The following ASTN2 variants were observed in gnomAD, a reference collection of about 807,000 sequenced individuals.
ASTN2 encodes the protein astrotactin-2.
A neutral mutation model predicts 139.8 loss-of-function variants in ASTN2; 54 were observed. That is an observed-to-expected ratio of 0.39 (90% CI 0.31 to 0.48). ASTN2 has a LOEUF of 0.48. Ranked by LOEUF, ASTN2 falls within the 20% of genes least tolerant of loss-of-function variation. ASTN2 has a pLI of 0.95. For synonymous variants in ASTN2, 756 were observed against 719.5 expected, an observed-to-expected ratio of 1.05 and a Z score of -0.81; for missense variants, 1,565 against 1,725.1, an observed-to-expected ratio of 0.91 and a Z score of 1.64.
intron 2 of ASTN2, among the ~76,000 whole-genome samples, chr9:117,242,149 G>T (rs1833234225): frequency 6.6e-6 from 1 of 151,284 alleles, no homozygotes; most frequent in African/African-American, 2.4e-5. Flanking sequence ...ATTTAACGTG[G>T]AGCTTACTTT....
intron 20 of ASTN2, among the ~76,000 whole-genome samples, chr9:116,449,071 G>T (rs745608160): frequency 3.3e-5 from 5 of 152,126 alleles, no homozygotes; most frequent in Admixed American, 6.5e-5. Context: ...ATGACCTTAG[G>T]CAAGTTAATC....
At position 116,815,804 on chromosome 9, in the gene ASTN2, CAAA is replaced by C. The variant is rs55954354; in HGVS notation, c.2207+4810_2207+4812del. ...TGGGCAACAGAGCGAGACTCCGTCTCAAAAAAAAAAAAAAAAAAAAAAAAGTTG... is the reference window on the plus strand; with the variant it reads ...TGGGCAACAGAGCGAGACTCCGTCTCAAAAAAAAAAAAAAAAAAAAAGTTG... On this transcript the variant is annotated intron_variant, in intron 12 of 22. Coordinates refer to ENST00000313400, the MANE Select transcript of ASTN2 (RefSeq NM_001365068.1). Among the ~76,000 whole-genome samples the C allele has an allele frequency of 9.5e-4, 23 of 24,104 alleles. 1 individual carries two copies. The East Asian group carries it at 0.013, about 14-fold the overall frequency. The allele number at this position is 24,104 out of a possible 152,430, so 15.8% of individuals were successfully genotyped here.
intron 10 of ASTN2, among the ~76,000 whole-genome samples, chr9:116,925,804 C>T (rs1276101120): frequency 3.3e-5 from 5 of 151,576 alleles, no homozygotes; most frequent in African/African-American, 1.2e-4. Context: ...CCATATGTAC[C>T]TCACCTTCCC....
intron 12 of ASTN2, among the ~76,000 whole-genome samples, chr9:116,816,709 T>C (rs138137516): frequency 1.7e-3 from 255 of 152,116 alleles, no homozygotes; most frequent in Middle Eastern, 0.01. Context: ...TATGAGGCTA[T>C]CACAGGGAGA....
chr9:116,450,583 A>C (rs1185859104), intron 20 of ASTN2, among the ~76,000 whole-genome samples: 1 of 152,140 alleles, frequency 6.6e-6, no homozygotes, highest in African/African-American at 2.4e-5. Flanking sequence ...CCAGCCTGGG[A>C]CATGAGGGTA....
At chr9:117,413,508 C>T (rs1831231430) in intron 1 of ASTN2, among the ~76,000 whole-genome samples, 1 of 152,200 alleles carries the variant, frequency 6.6e-6, no homozygotes, top group African/African-American at 2.4e-5. Context: ...CGCGGGAGAG[C>T]TAAGGGGAAC....
chr9:117,294,054 G>T (rs1484015684), intron 1 of ASTN2, among the ~76,000 whole-genome samples: 1 of 152,202 alleles, frequency 6.6e-6, no homozygotes, highest in Admixed American at 6.5e-5. Context: ...TCCAGCCTGT[G>T]CCTGAAATCC....
intron 3 of ASTN2, among the ~76,000 whole-genome samples, chr9:117,205,016 C>T (rs1193388330): frequency 6.6e-6 from 1 of 152,114 alleles, no homozygotes; most frequent in African/African-American, 2.4e-5. Flanking sequence ...AGGCACTGTG[C>T]TGGGCATTGC....
At chr9:117,077,301 T>G (rs1463183253) in intron 5 of ASTN2, among the ~76,000 whole-genome samples, 1 of 152,166 alleles carries the variant, frequency 6.6e-6, no homozygotes, top group Non-Finnish European at 1.5e-5. Context: ...CTGGGTGAAG[T>G]TCTGAGCAAG....
intron 3 of ASTN2, among the ~76,000 whole-genome samples, chr9:117,193,258 C>T (rs1172262909): frequency 1.3e-5 from 2 of 152,124 alleles, no homozygotes; most frequent in East Asian, 3.9e-4. Context: ...AAAATTCAAA[C>T]ATCACTGGGA....
chr9:116,728,863 G>A (rs1828701838), intron 15 of ASTN2, 129 bp downstream of exon 15: 1 of 732,664 alleles, frequency 1.4e-6, no homozygotes, highest in South Asian at 1.8e-5. Context: ...ACTCCTTGAT[G>A]GCAGAGAGGA....
At chr9:117,340,973 G>A (rs1446128856) in intron 1 of ASTN2, among the ~76,000 whole-genome samples, 1 of 152,140 alleles carries the variant, frequency 6.6e-6, no homozygotes, top group African/African-American at 2.4e-5. Context: ...AAGGCTCTAG[G>A]AGGAGGCCCT....
intron 13 of ASTN2, among the ~76,000 whole-genome samples, chr9:116,803,522 A>ATGTATATATATATAT (rs1554748694): frequency 9.5e-5 from 2 of 21,140 alleles, no homozygotes; most frequent in Admixed American, 6.6e-4. Flanking sequence ...ATATATATAT[A>ATGTATATATATATAT]TTTTTTTTTT....
chr9:116,437,388 C>T (rs1471856685), intron 22 of ASTN2: 1 of 471,126 alleles, frequency 2.1e-6, no homozygotes, highest in Admixed American at 2.3e-5. Context: ...TCTCAGATAT[C>T]CTCCAGGAGA....
chr9:117,058,869 G>A (rs983619236), intron 5 of ASTN2, among the ~76,000 whole-genome samples: 1 of 152,214 alleles, frequency 6.6e-6, no homozygotes, highest in African/African-American at 2.4e-5. Context: ...GTCCTGGTGG[G>A]AGAAAGGATA....
intron 1 of ASTN2, among the ~76,000 whole-genome samples, chr9:117,407,185 T>G (rs1831019197): frequency 6.6e-6 from 1 of 152,104 alleles, no homozygotes; most frequent in Non-Finnish European, 1.5e-5. Context: ...AGGTGCCAAA[T>G]AAGAAGGAAG....
chr9:116,948,646 G>A (rs1192239463), intron 10 of ASTN2, among the ~76,000 whole-genome samples: 2 of 151,664 alleles, frequency 1.3e-5, no homozygotes, highest in Non-Finnish European at 2.9e-5. Context: ...GGGGTAAGGA[G>A]GGTTGCTGTC....
intron 1 of ASTN2, among the ~76,000 whole-genome samples, chr9:117,379,617 G>A (rs1830213966): frequency 6.6e-6 from 1 of 152,212 alleles, no homozygotes; most frequent in Non-Finnish European, 1.5e-5. Flanking sequence ...CTTCAAACCA[G>A]GCACTTGTGA....
rs539300860 is a variant in ASTN2, at chr9:117,354,075, T to C, written c.442+60422A>G. On this transcript the variant is annotated intron_variant, in intron 1 of 22. Coordinates refer to ENST00000313400, the MANE Select transcript of ASTN2 (RefSeq NM_001365068.1). ...TGATGTGTCTATGCAGGTTTGTTAA[T>C]TGTAACAAAAGTACTACTCTGGTGG... is the stretch of plus-strand genomic sequence containing the variant. 3.1e-4 allele frequency among the ~76,000 whole-genome samples: 47 copies of C among 152,262 alleles called. 1 individual carries two copies. The East Asian group carries it at 8.7e-3, about 28-fold the overall frequency.
Sources: gnomAD v4.1 joint callset for allele counts (sites outside exome capture counted in the v4.1 genomes callset) on GRCh38, gnomAD v4.1.1 for gene constraint, MANE v1.5 for transcripts, NCBI Gene and HGNC (gene_info 2026-07-23, HGNC 2026-07-21) for gene names.